Variants in NAV2 observed in about 807,000 individuals in gnomAD.
NAV2 encodes helicase, APC down-regulated 1.
NAV2 carries 54 observed loss-of-function variants against 223.2 expected under a neutral mutation model. The ratio of observed to expected loss-of-function variants is 0.24; its 90% CI spans 0.19 to 0.30. The LOEUF is 0.30. Among genes scored for constraint, NAV2 ranks in the 10% least tolerant of loss-of-function variants. The probability of loss-of-function intolerance (pLI) is 1.00; values close to 1 mark genes in which losing one functional copy is unlikely to be tolerated. For synonymous variants in NAV2, 1,279 were observed against 1,239.3 expected (o/e 1.03, Z -0.67); for missense variants, 2,806 against 3,147.5 (o/e 0.89, Z 2.60).
intron 15 of NAV2, 101 bp from the exon 16 acceptor site, chr11:20,049,735 G>A (rs1317903072): frequency 2.2e-5 from 25 of 1,122,388 alleles, no homozygotes; most frequent in South Asian, 5.0e-5. Context: ...GGAAGAAAGC[G>A]AGGATCAGCA....
chr11:19,969,567 C>G (rs1400727894), intron 10 of NAV2, among the ~76,000 whole-genome samples: 1 of 152,128 alleles, frequency 6.6e-6, no homozygotes, highest in Non-Finnish European at 1.5e-5. Flanking sequence ...CTGTGCTTAA[C>G]TCTATATAAA....
At chr11:19,468,631 G>T (rs1447786169) in intron 1 of NAV2, among the ~76,000 whole-genome samples, 6 of 152,114 alleles carry the variant, frequency 3.9e-5, no homozygotes, top group African/African-American at 1.2e-4. Context: ...TCCAAATAAG[G>T]TCACTTTCTG....
At chr11:19,509,582 G>A (rs2043214836) in intron 1 of NAV2, among the ~76,000 whole-genome samples, 2 of 152,182 alleles carry the variant, frequency 1.3e-5, no homozygotes, top group African/African-American at 2.4e-5. Flanking sequence ...TATTCAACCC[G>A]ATATTGCAAG....
chr11:19,720,021 G>A (rs1278284743), intron 1 of NAV2, among the ~76,000 whole-genome samples: 1 of 152,202 alleles, frequency 6.6e-6, no homozygotes, highest in African/African-American at 2.4e-5. Flanking sequence ...CTTCTTAATG[G>A]TTCCTCATTG....
intron 1 of NAV2, among the ~76,000 whole-genome samples, chr11:19,611,948 G>A (rs1007818678): frequency 7.2e-5 from 11 of 152,346 alleles, no homozygotes; most frequent in East Asian, 1.9e-4. Flanking sequence ...TTCTCCATGA[G>A]GGCACTGCCC....
chr11:19,475,550 A>G (rs1473585153), intron 1 of NAV2, among the ~76,000 whole-genome samples: 1 of 152,142 alleles, frequency 6.6e-6, no homozygotes, highest in Non-Finnish European at 1.5e-5. Context: ...ACCTGGCAAT[A>G]TTTATGTTGA....
At chr11:19,358,178 G>A (rs574234025) in intron 1 of NAV2, among the ~76,000 whole-genome samples, 1 of 152,276 alleles carries the variant, frequency 6.6e-6, no homozygotes, top group East Asian at 1.9e-4. Context: ...AGAGGGATGT[G>A]GGGGCTGGGA....
intron 1 of NAV2, among the ~76,000 whole-genome samples, chr11:19,365,982 T>C (rs181757848): frequency 5.0e-4 from 76 of 152,244 alleles, no homozygotes; most frequent in African/African-American, 1.7e-3. Context: ...TAGTAAGAAG[T>C]GAAAGTAGGC....
chr11:20,005,254 T>TATATATATA (rs1491300791), intron 11 of NAV2, among the ~76,000 whole-genome samples: 61 of 22,768 alleles, frequency 2.7e-3, no homozygotes, highest in African/African-American at 4.6e-3. Flanking sequence ...TATATATATA[T>TATATATATA]TTTTTTTTTT....
intron 11 of NAV2, among the ~76,000 whole-genome samples, chr11:20,028,269 T>G (rs1041272561): frequency 1.3e-5 from 2 of 152,206 alleles, no homozygotes; most frequent in African/African-American, 2.4e-5. Flanking sequence ...GCATTTGGAT[T>G]CCTGACACGG....
At chr11:19,717,386 C>T (rs1291209722) in intron 1 of NAV2, among the ~76,000 whole-genome samples, 1 of 152,082 alleles carries the variant, frequency 6.6e-6, no homozygotes, top group East Asian at 1.9e-4. Context: ...CCAAGGTGCT[C>T]AAAGGAAAGG....
chr11:19,380,089 T>G (rs912892275), intron 1 of NAV2, among the ~76,000 whole-genome samples: 4 of 152,216 alleles, frequency 2.6e-5, no homozygotes, highest in Admixed American at 6.5e-5. Context: ...TTACCTAATC[T>G]TCTTCATCCC....
intron 11 of NAV2, among the ~76,000 whole-genome samples, chr11:20,016,274 G>A (rs2053996738): frequency 1.3e-5 from 2 of 152,190 alleles, no homozygotes; most frequent in African/African-American, 2.4e-5. Context: ...TGTGAGTTGA[G>A]GCTGAAGATG....
intron 1 of NAV2, among the ~76,000 whole-genome samples, chr11:19,767,866 CT>C (rs2055354665): frequency 6.6e-6 from 1 of 152,130 alleles, no homozygotes; most frequent in African/African-American, 2.4e-5. Flanking sequence ...GCCCAGCCCC[CT>C]AGGCTTCCTT....
intron 1 of NAV2, among the ~76,000 whole-genome samples, chr11:19,739,544 A>C (rs11025231): frequency 0.4 from 60,570 of 151,980 alleles, 14,030 homozygotes; most frequent in East Asian, 0.59. Context: ...GGTGTAGCTG[A>C]TGGCCCTCAG....
intron 11 of NAV2, among the ~76,000 whole-genome samples, chr11:20,015,910 C>A (rs141141721): frequency 1.2e-4 from 18 of 152,276 alleles, no homozygotes; most frequent in African/African-American, 3.9e-4. Context: ...GGCATAGTGA[C>A]CTGGAGGTGT....
chr11:19,484,159 C>CACACACA (rs1554945488), intron 1 of NAV2, among the ~76,000 whole-genome samples: 6 of 147,828 alleles, frequency 4.1e-5, no homozygotes, highest in South Asian at 2.2e-4. Context: ...CACACACACA[C>CACACACA]CCCAAGTCTC....
At chr11:19,776,577 G>GGGGTGTGTGTGTGT (rs371411356) in intron 1 of NAV2, among the ~76,000 whole-genome samples, 1 of 116,122 alleles carries the variant, frequency 8.6e-6, no homozygotes, top group African/African-American at 3.8e-5. Flanking sequence ...CTGGGGCAGG[G>GGGGTGTGTGTGTGT]GTGTGTGTGT....
chr11:19,604,386 G>A (rs10741783), intron 1 of NAV2, among the ~76,000 whole-genome samples: 110,041 of 151,534 alleles, frequency 0.73, 47,971 homozygotes, highest in Non-Finnish European at 0.96. Context: ...TTAATGGATG[G>A]TGTATAGAGT....
Sources: gnomAD v4.1 joint callset for allele counts (sites outside exome capture counted in the v4.1 genomes callset) on GRCh38, gnomAD v4.1.1 for gene constraint, MANE v1.5 for transcripts, NCBI Gene and HGNC (gene_info 2026-07-23, HGNC 2026-07-21) for gene names.